SUN3: variants seen among roughly 807,000 people sequenced by gnomAD.
The protein encoded by SUN3 is Sad1 and UNC84 domain containing 3.
Under a neutral mutation model 48.2 loss-of-function variants are expected in SUN3, and 36 were observed. The ratio of observed to expected loss-of-function variants is 0.75; its 90% CI spans 0.57 to 0.99. SUN3 has a LOEUF of 0.99. Among genes scored for constraint, SUN3 ranks in the 50% least tolerant of loss-of-function variants. The pLI is 0.00. For synonymous variants in SUN3, 148 were observed against 147.9 expected (o/e 1.00, Z 0.00); for missense variants, 419 against 433.1 (o/e 0.97, Z 0.29).
At chr7:48,029,791 C>A (rs140610056), upstream of SUN3, among the ~76,000 whole-genome samples, 1 of 152,312 alleles carries the variant, frequency 6.6e-6, no homozygotes, top group Non-Finnish European at 1.5e-5. Context: ...CGATGACAGT[C>A]ATTTCACTCT....
At position 48,025,867 on chromosome 7, in the gene SUN3, G is replaced by A. The variant is rs771713343; in HGVS notation, c.184+10C>T. On this transcript the variant is annotated intron_variant, in intron 2 of 9. Coordinates refer to ENST00000297325, the MANE Select transcript of SUN3 (RefSeq NM_001030019.2). ...AATGGTTTTAAGGATCATTACTTAGGAAGACTTACCTACAAGAAGAAAAGT... is the reference window on the plus strand; with the variant it reads ...AATGGTTTTAAGGATCATTACTTAGAAAGACTTACCTACAAGAAGAAAAGT... The A allele has an allele frequency of 2.5e-6, 4 of 1,576,088 alleles. No homozygotes were observed. The Admixed American group carries it at 5.1e-5, about 20-fold the overall frequency.
chr7:48,007,543 C>A (rs1789562472), intron 4 of SUN3, among the ~76,000 whole-genome samples: 1 of 152,184 alleles, frequency 6.6e-6, no homozygotes, highest in African/African-American at 2.4e-5. Flanking sequence ...CTGAGGGTGT[C>A]CTACTGCTTG....
chr7:48,009,031 T>G lies in SUN3; in HGVS notation c.329+4A>C, dbSNP rs758267101. On this transcript the variant is annotated splice_donor_region_variant and intron_variant, in intron 4 of 9. Coordinates refer to ENST00000297325, the MANE Select transcript of SUN3 (RefSeq NM_001030019.2). ...AGAGGCATATAGCAAAAGATCGCAC[T>G]CACTTTAAAAGTTCCAGTTGCTCTT... is the stretch of plus-strand genomic sequence containing the variant. 3 of 1,611,074 alleles carry G rather than the reference T, an allele frequency of 1.9e-6. No homozygotes were observed. In the East Asian group the frequency reaches 6.7e-5, roughly 36 times the overall value.
chr7:48,010,857 C>T (rs143624753), intron 3 of SUN3, among the ~76,000 whole-genome samples: 5 of 152,286 alleles, frequency 3.3e-5, no homozygotes, highest in South Asian at 2.1e-4. Context: ...GTAAGGTCAA[C>T]GTGTCCACAT....
intron 6 of SUN3, among the ~76,000 whole-genome samples, chr7:48,004,852 C>G (rs1230381791): frequency 6.6e-6 from 1 of 152,234 alleles, no homozygotes; most frequent in East Asian, 1.9e-4. Flanking sequence ...CTACCAACTG[C>G]CTGCTTTGTT....
chr7:48,018,564 C>T, intron 2 of SUN3: 2 of 152,070 alleles, frequency 1.3e-5, no homozygotes, highest in Middle Eastern at 1.4e-3. Context: ...GTGGAGGTTG[C>T]AGTGAGCCAA....
rs112467591 is a variant in SUN3, at chr7:47,998,291, AG to A, written c.578-2146del. Among the ~76,000 whole-genome samples, 455 of 152,334 alleles carry A rather than the reference AG, an allele frequency of 3.0e-3. 6 individuals carry two copies. The highest frequency in any genetic ancestry group is 0.01 in the African/African-American group (424 of 41,578). On this transcript the variant is annotated intron_variant, in intron 6 of 9. Coordinates refer to ENST00000297325, the MANE Select transcript of SUN3 (RefSeq NM_001030019.2). ...ATCGGTGTGTAATGATATAACATTGAGGTTTTGACATTTCACTAATGAATAA... is the reference window on the plus strand; with the variant it reads ...ATCGGTGTGTAATGATATAACATTGAGTTTTGACATTTCACTAATGAATAA...
intron 5 of SUN3, 32 bp downstream of exon 5, chr7:48,007,133 C>CCCCCCAAG: frequency 6.3e-7 from 1 of 1,585,980 alleles, no homozygotes; most frequent in African/African-American, 1.3e-5. Flanking sequence ...CACCACCCCA[C>CCCCCCAAG]CCTGCCCAAC....
At chr7:47,991,996 G>A (rs1231100238) in intron 8 of SUN3, among the ~76,000 whole-genome samples, 1 of 152,062 alleles carries the variant, frequency 6.6e-6, no homozygotes, top group East Asian at 1.9e-4. Flanking sequence ...ACAAAGTGGT[G>A]ACCCCGCGGC....
chr7:48,001,615 G>A (rs190749461), intron 6 of SUN3, among the ~76,000 whole-genome samples: 1,577 of 141,264 alleles, frequency 0.011, 18 homozygotes, highest in African/African-American at 0.038. Flanking sequence ...CTCACTGCAA[G>A]CTCCGCCTCC....
intron 4 of SUN3, among the ~76,000 whole-genome samples, chr7:48,008,696 A>C (rs529296498): frequency 8.5e-5 from 13 of 152,312 alleles, no homozygotes; most frequent in Non-Finnish European, 1.9e-4. Context: ...GAGAGGAGGC[A>C]ATTTTTATTT....
upstream of SUN3, among the ~76,000 whole-genome samples, chr7:48,033,503 G>A (rs1280543133): frequency 3.3e-5 from 5 of 152,250 alleles, no homozygotes; most frequent in East Asian, 3.9e-4. Context: ...TCAAAGCTTC[G>A]CTGAGCCATG....
upstream of SUN3, among the ~76,000 whole-genome samples, chr7:48,033,783 C>T (rs1477356970): frequency 3.9e-5 from 6 of 152,026 alleles, no homozygotes; most frequent in Admixed American, 2.6e-4. Flanking sequence ...TGACTAGGCA[C>T]GGTGGCCCAT....
At position 47,994,475 on chromosome 7, in the gene SUN3, A is replaced by G; in HGVS notation, c.701T>C (p.Val234Ala). 1 of 1,591,988 alleles carries G rather than the reference A, an allele frequency of 6.3e-7. No homozygotes were observed. The highest frequency in any genetic ancestry group is 8.5e-7 in the Non-Finnish European group (1 of 1,173,498). ...AAAAGCCCAGCACTTTCCAGGGTAG[A>G]CATCCGGCTGGAAAGAAAACACTGA... ...MPPDIILQPD[V>A]YPGKCWAFPG... is the part of the protein sequence containing the mutation. The change falls in exon 8 of 10, where the codon GTC (valine) becomes GCC (alanine). Residue 234 changes from valine (V) to alanine (A), a missense_variant. Val to Ala is a moderately conservative substitution (Grantham distance 64, BLOSUM62 0). Transcript: ENST00000297325.
intron 8 of SUN3, among the ~76,000 whole-genome samples, chr7:47,992,139 C>T (rs1300219759): frequency 2.6e-5 from 4 of 152,154 alleles, no homozygotes; most frequent in Non-Finnish European, 5.9e-5. Context: ...CCAGATGATT[C>T]CCGCTGCAAA....
At chr7:48,021,554 C>A in intron 2 of SUN3, among the ~76,000 whole-genome samples, 1 of 142,176 alleles carries the variant, frequency 7.0e-6, no homozygotes. Flanking sequence ...TCAAACAACT[C>A]TACAGAGAAA....
chr7:47,989,872 A>G (rs968555285), intron 8 of SUN3, among the ~76,000 whole-genome samples: 1 of 152,262 alleles, frequency 6.6e-6, no homozygotes, highest in Non-Finnish European at 1.5e-5. Context: ...AGGGCTGTGC[A>G]GGATGTGCTT....
At chr7:48,025,830 C>T (rs1231673921) in intron 2 of SUN3, 47 bp downstream of exon 2, 1 of 1,302,818 alleles carries the variant, frequency 7.7e-7, no homozygotes, top group African/African-American at 1.5e-5. Context: ...ACCAGGCAGA[C>T]ATAACCTGTG....
At chr7:48,025,797 G>A (rs1051594475) in intron 2 of SUN3, 80 bp downstream of exon 2, 95 of 928,802 alleles carry the variant, frequency 1.0e-4, no homozygotes, top group Non-Finnish European at 1.5e-4. Flanking sequence ...ACAAATATGA[G>A]TCATTCCGTT....
Sources: allele counts gnomAD v4.1 joint callset (sites outside exome capture counted in the v4.1 genomes callset), GRCh38; gene constraint gnomAD v4.1.1; transcripts MANE v1.5; gene names NCBI Gene and HGNC (gene_info 2026-07-23, HGNC 2026-07-21).